The following TUBB8B variants were observed in gnomAD, a reference collection of about 807,000 sequenced individuals.
TUBB8B encodes the protein HSA18p11 beta-tubulin 4Q pseudogene.
In TUBB8B, 26 loss-of-function variants were observed where a neutral mutation model predicts 31.9. That is an observed-to-expected ratio of 0.81 (90% CI 0.60 to 1.13). TUBB8B has a LOEUF of 1.13. Ranked by LOEUF, TUBB8B falls within the 50% of genes most tolerant of loss-of-function variation. The pLI is 0.00. For missense variants in TUBB8B, 467 were observed against 586.7 expected (o/e 0.80, Z 2.11); for synonymous variants, 173 against 231.0 (o/e 0.75, Z 2.28).
chr18:48,900 T>A, intron 3 of TUBB8B, 40 bp downstream of exon 3: 1 of 1,395,112 alleles, frequency 7.2e-7, no homozygotes, highest in Non-Finnish European at 1.0e-6. Flanking sequence ...TGAGCTGCCC[T>A]GGCTAAGGAG....
upstream of TUBB8B, among the ~76,000 whole-genome samples, chr18:52,507 ATAT>A (rs1906150093): frequency 6.6e-6 from 1 of 151,694 alleles, no homozygotes; most frequent in Non-Finnish European, 1.5e-5. Flanking sequence ...TCTCACCCTA[ATAT>A]TATACCCTAG....
the TUBB8B span, among the ~76,000 whole-genome samples, chr18:67,422 C>T: frequency 6.6e-6 from 1 of 152,220 alleles, no homozygotes; most frequent in Non-Finnish European, 1.5e-5. Context: ...AGCTCTTCAG[C>T]ATCAATCTCC....
At chr18:54,911 T>C in the TUBB8B span, among the ~76,000 whole-genome samples, 6 of 152,108 alleles carry the variant, frequency 3.9e-5, 1 homozygote, top group African/African-American at 1.4e-4. Context: ...ATTTCTATGA[T>C]GATCAGTAAT....
the TUBB8B span, among the ~76,000 whole-genome samples, chr18:56,886 CTGG>C: frequency 2.0e-5 from 3 of 151,886 alleles, no homozygotes; most frequent in African/African-American, 7.2e-5. Flanking sequence ...AAAAATAAAT[CTGG>C]TGCTTGCACA....
chr18:69,077 G>A, the TUBB8B span, among the ~76,000 whole-genome samples: 1 of 152,232 alleles, frequency 6.6e-6, no homozygotes. Flanking sequence ...CCCGCAATTT[G>A]TAGATCAAGG....
chr18:71,569 T>TAAAAA, the TUBB8B span, among the ~76,000 whole-genome samples: 13 of 57,644 alleles, frequency 2.3e-4, 1 homozygote, highest in South Asian at 8.1e-4. Context: ...AAAAAAAATT[T>TAAAAA]AAAAAAAAAA....
At chr18:55,014 A>T in the TUBB8B span, among the ~76,000 whole-genome samples, 1 of 151,894 alleles carries the variant, frequency 6.6e-6, no homozygotes, top group Non-Finnish European at 1.5e-5. Flanking sequence ...AATTGATTAT[A>T]TTTTTTTCTA....
the TUBB8B span, among the ~76,000 whole-genome samples, chr18:62,053 G>A: frequency 6.6e-6 from 1 of 151,544 alleles, no homozygotes; most frequent in Admixed American, 6.6e-5. Context: ...GTTTTTGTTT[G>A]TCGGAAAAAG....
chr18:56,686 CAA>C, the TUBB8B span, among the ~76,000 whole-genome samples: 1 of 151,820 alleles, frequency 6.6e-6, no homozygotes, highest in South Asian at 2.1e-4. Context: ...CAAATTTACT[CAA>C]GTTATTACTT....
chr18:58,605 CCATT>C, the TUBB8B span, among the ~76,000 whole-genome samples: 3 of 151,688 alleles, frequency 2.0e-5, no homozygotes, highest in African/African-American at 4.8e-5. Flanking sequence ...TTCGTCAAAG[CCATT>C]CAAAGTTAAG....
the TUBB8B span, among the ~76,000 whole-genome samples, chr18:61,926 C>G: frequency 6.6e-6 from 1 of 151,734 alleles, no homozygotes; most frequent in South Asian, 2.1e-4. Context: ...TGTGCTATTA[C>G]TACTGAGTTC....
At chr18:63,403 G>C in the TUBB8B span, among the ~76,000 whole-genome samples, 6 of 151,828 alleles carry the variant, frequency 4.0e-5, no homozygotes, top group East Asian at 1.2e-3. Flanking sequence ...TTATCAAGTA[G>C]AGATTCTAGT....
At chr18:65,933 T>C in the TUBB8B span, among the ~76,000 whole-genome samples, 1 of 152,190 alleles carries the variant, frequency 6.6e-6, no homozygotes, top group Non-Finnish European at 1.5e-5. Context: ...AATGTAATTA[T>C]GAAAACCATT....
At chr18:70,960 A>G in the TUBB8B span, among the ~76,000 whole-genome samples, 1 of 148,484 alleles carries the variant, frequency 6.7e-6, no homozygotes, top group African/African-American at 2.5e-5. Context: ...AGTGGGGGAG[A>G]TCTTCGGCTG....
At chr18:63,810 CCCCTAA>C in the TUBB8B span, among the ~76,000 whole-genome samples, 99 of 146,514 alleles carry the variant, frequency 6.8e-4, no homozygotes, top group South Asian at 9.9e-3. Context: ...CTAACCCTAA[CCCCTAA>C]CCCTAACCCT....
upstream of TUBB8B, among the ~76,000 whole-genome samples, chr18:53,245 A>G (rs1331145298): frequency 1.3e-5 from 2 of 151,900 alleles, no homozygotes; most frequent in Non-Finnish European, 2.9e-5. Flanking sequence ...TAACACAGCA[A>G]GTCTACTCCT....
At chr18:71,910 G>T in the TUBB8B span, among the ~76,000 whole-genome samples, 1 of 150,866 alleles carries the variant, frequency 6.6e-6, no homozygotes, top group Admixed American at 6.6e-5. Context: ...TGGGCTCAGT[G>T]GCTCACGCGT....
rs756424855 is a variant in TUBB8B, at chr18:48,126, A to G, written c.599T>C (p.Phe200Ser). ...HQLIENADETFCIDNEALYDI... is the reference protein window; with the variant it reads ...HQLIENADETSCIDNEALYDI... ...ATATAGCGCTTCGTTATCTATGCAG[A>G]AGGTCTCATCCGCGTTTTCTATGAG... Residue 200 changes from phenylalanine to serine, a missense_variant, in exon 4 of 4, where the codon TTC (phenylalanine) becomes TCC (serine). Physicochemically the swap from Phe to Ser is radical, Grantham distance 155. Transcript: ENST00000308911. The G allele has an allele frequency of 1.2e-6, 2 of 1,614,140 alleles. No individual in the cohort carries two copies. Among genetic ancestry groups the G allele is most frequent in the Non-Finnish European group, 1.7e-6 (2 of 1,179,960 alleles).
the TUBB8B span, among the ~76,000 whole-genome samples, chr18:63,246 G>C: frequency 6.6e-6 from 1 of 151,830 alleles, no homozygotes; most frequent in Admixed American, 6.6e-5. Context: ...AGTCTTCACA[G>C]TCTGGGCTTC....
Sources: allele counts gnomAD v4.1 joint callset (sites outside exome capture counted in the v4.1 genomes callset), GRCh38; gene constraint gnomAD v4.1.1; transcripts MANE v1.5; gene names NCBI Gene and HGNC (gene_info 2026-07-23, HGNC 2026-07-21).